FHIT: variants seen among roughly 807,000 people sequenced by gnomAD.
The protein encoded by FHIT is bis(5'-adenosyl)-triphosphatase.
A neutral mutation model predicts 17.9 loss-of-function variants in FHIT; 19 were observed. The observed-to-expected ratio is 1.06, with a 90% CI of 0.74 to 1.56. FHIT has a LOEUF of 1.56. Among genes scored for constraint, FHIT ranks in the 40% most tolerant of loss-of-function variants. The pLI, the probability that FHIT is intolerant of heterozygous loss-of-function variation, is 0.00. For synonymous variants in FHIT, 81 were observed against 69.7 expected (o/e 1.16, Z -0.81); for missense variants, 248 against 189.2 (o/e 1.31, Z -1.82).
intron 8 of FHIT, among the ~76,000 whole-genome samples, chr3:59,873,210 C>A (rs922397429): frequency 2.0e-5 from 3 of 152,132 alleles, no homozygotes; most frequent in African/African-American, 7.2e-5. Flanking sequence ...TAAACCCATG[C>A]CAAAATCACT....
chr3:59,920,777 T>C (rs1422850128), intron 8 of FHIT, among the ~76,000 whole-genome samples: 1 of 152,262 alleles, frequency 6.6e-6, no homozygotes, highest in Non-Finnish European at 1.5e-5. Context: ...ATAATTACTC[T>C]ATAATTCTGA....
chr3:60,948,710 T>C (rs1553776376), intron 3 of FHIT, among the ~76,000 whole-genome samples: 1 of 152,210 alleles, frequency 6.6e-6, no homozygotes, highest in African/African-American at 2.4e-5. Context: ...GAAGTATTAG[T>C]AATGAAACAG....
chr3:60,192,407 A>G (rs1296453280), intron 5 of FHIT, among the ~76,000 whole-genome samples: 1 of 152,040 alleles, frequency 6.6e-6, no homozygotes, highest in Non-Finnish European at 1.5e-5. Flanking sequence ...GACATGGGGT[A>G]TGGCAGATGC....
At chr3:59,859,293 T>C (rs921654994) in intron 8 of FHIT, among the ~76,000 whole-genome samples, 1 of 152,146 alleles carries the variant, frequency 6.6e-6, no homozygotes, top group African/African-American at 2.4e-5. Context: ...CCTGCCAAGA[T>C]GGCATGGAAG....
chr3:59,946,627 T>C (rs7615116), intron 7 of FHIT, among the ~76,000 whole-genome samples: 64,629 of 152,102 alleles, frequency 0.42, 15,671 homozygotes, highest in Middle Eastern at 0.61. Flanking sequence ...CCAGCTTTTG[T>C]TCATTTGGTA....
chr3:60,390,276 G>C (rs1354766847), intron 5 of FHIT, among the ~76,000 whole-genome samples: 2 of 150,674 alleles, frequency 1.3e-5, no homozygotes, highest in Non-Finnish European at 3.0e-5. Flanking sequence ...ATATTAAAAA[G>C]ATGAAAAATT....
chr3:60,230,072 A>G (rs1037908170), intron 5 of FHIT, among the ~76,000 whole-genome samples: 2 of 152,180 alleles, frequency 1.3e-5, no homozygotes, highest in African/African-American at 2.4e-5. Flanking sequence ...TCGTTGTTCA[A>G]TACCGTGGCC....
chr3:61,085,803 G>C (rs1191503758), intron 2 of FHIT, among the ~76,000 whole-genome samples: 1 of 152,048 alleles, frequency 6.6e-6, no homozygotes, highest in Non-Finnish European at 1.5e-5. Flanking sequence ...TTTGTATACA[G>C]TACAGGCTAA....
At chr3:60,702,586 T>A (rs1165845650) in intron 4 of FHIT, among the ~76,000 whole-genome samples, 1 of 152,118 alleles carries the variant, frequency 6.6e-6, no homozygotes, top group East Asian at 1.9e-4. Flanking sequence ...GATTTTTATA[T>A]ATTTATTTTG....
chr3:60,569,725 C>CTATA (rs1219009137), intron 4 of FHIT, among the ~76,000 whole-genome samples: 858 of 38,996 alleles, frequency 0.022, 9 homozygotes, highest in Non-Finnish European at 0.028. Flanking sequence ...TTTATTAATA[C>CTATA]TATATATATA....
chr3:60,619,209 C>G (rs1553677264), intron 4 of FHIT, among the ~76,000 whole-genome samples: 1 of 152,118 alleles, frequency 6.6e-6, no homozygotes, highest in Non-Finnish European at 1.5e-5. Flanking sequence ...AAGCTATCTA[C>G]TGTTCTAGAA....
chr3:60,668,628 C>T (rs2040438613), intron 4 of FHIT, among the ~76,000 whole-genome samples: 1 of 139,948 alleles, frequency 7.1e-6, no homozygotes, highest in Non-Finnish European at 1.5e-5. Flanking sequence ...GTGGCACGAT[C>T]GCTTCTCACT....
At chr3:60,489,691 T>C (rs1456090193) in intron 5 of FHIT, among the ~76,000 whole-genome samples, 1 of 152,246 alleles carries the variant, frequency 6.6e-6, no homozygotes, top group East Asian at 1.9e-4. Flanking sequence ...TGAACTATTA[T>C]TGCAAAAGAA....
At chr3:60,625,200 C>G (rs377010318) in intron 4 of FHIT, among the ~76,000 whole-genome samples, 2 of 152,302 alleles carry the variant, frequency 1.3e-5, no homozygotes, top group East Asian at 3.9e-4. Context: ...TGAACGACCA[C>G]GCCTGGCCTT....
At chr3:60,964,397 C>T (rs1157007380) in intron 3 of FHIT, among the ~76,000 whole-genome samples, 1 of 152,090 alleles carries the variant, frequency 6.6e-6, no homozygotes, top group African/African-American at 2.4e-5. Flanking sequence ...ATTTGCCAGT[C>T]TGTGTCTTTT....
At chr3:60,354,161 A>C (rs897330746) in intron 5 of FHIT, among the ~76,000 whole-genome samples, 2 of 152,170 alleles carry the variant, frequency 1.3e-5, no homozygotes, top group African/African-American at 4.8e-5. Context: ...AACATATTAA[A>C]TGAAAAATGG....
intron 4 of FHIT, among the ~76,000 whole-genome samples, chr3:60,809,252 G>C (rs1701495831): frequency 6.6e-6 from 1 of 152,088 alleles, no homozygotes; most frequent in Admixed American, 6.6e-5. Context: ...TGAAATCAAA[G>C]TAGTTTTTCT....
chr3:60,689,304 A>G (rs9830759), intron 4 of FHIT, among the ~76,000 whole-genome samples: 15,656 of 152,200 alleles, frequency 0.1, 1,682 homozygotes, highest in African/African-American at 0.27. Flanking sequence ...CAGCAGCAGT[A>G]AAAAGGACTA....
chr3:61,082,454 C>T (rs1226741425), intron 2 of FHIT, among the ~76,000 whole-genome samples: 2 of 152,078 alleles, frequency 1.3e-5, no homozygotes, highest in Non-Finnish European at 2.9e-5. Context: ...TGTGAATATA[C>T]CCTTTTACTT....
Sources: allele counts gnomAD v4.1 joint callset (sites outside exome capture counted in the v4.1 genomes callset), GRCh38; gene constraint gnomAD v4.1.1; transcripts MANE v1.5; gene names NCBI Gene and HGNC (gene_info 2026-07-23, HGNC 2026-07-21).